PLXNA4: variants seen among roughly 807,000 people sequenced by gnomAD.
The protein encoded by PLXNA4 is plexin-A4.
PLXNA4 carries 44 observed loss-of-function variants against 191.8 expected under a neutral mutation model. The observed-to-expected ratio is 0.23, with a 90% CI of 0.18 to 0.29. PLXNA4 has a LOEUF of 0.29. Ranked by LOEUF, PLXNA4 falls within the 10% of genes least tolerant of loss-of-function variation. The pLI is 1.00. For synonymous variants in PLXNA4, 1,082 were observed against 1,009.5 expected, an observed-to-expected ratio of 1.07 and a Z score of -1.36; for missense variants, 1,800 against 2,488.8, an observed-to-expected ratio of 0.72 and a Z score of 5.89.
intron 9 of PLXNA4, among the ~76,000 whole-genome samples, chr7:132,219,940 G>A (rs1298720767): frequency 6.6e-6 from 1 of 152,196 alleles, no homozygotes; most frequent in Non-Finnish European, 1.5e-5. Flanking sequence ...TAGGTGTGCA[G>A]TAAGCTACAG....
intron 3 of PLXNA4, among the ~76,000 whole-genome samples, chr7:132,439,273 C>T (rs1478093660): frequency 2.6e-5 from 4 of 152,156 alleles, no homozygotes; most frequent in East Asian, 3.9e-4. Flanking sequence ...AGTCCCGCCC[C>T]GGCCAATGAA....
At chr7:132,244,805 T>A (rs980695823) in intron 4 of PLXNA4, among the ~76,000 whole-genome samples, 1 of 152,216 alleles carries the variant, frequency 6.6e-6, no homozygotes, top group African/African-American at 2.4e-5. Context: ...ATCAGAAGTT[T>A]TTCTAATACT....
intron 3 of PLXNA4, among the ~76,000 whole-genome samples, chr7:132,377,655 G>A (rs1707541914): frequency 6.6e-6 from 1 of 152,114 alleles, no homozygotes; most frequent in African/African-American, 2.4e-5. Flanking sequence ...TTGCTGCTTG[G>A]AGAGACCATT....
chr7:132,382,437 G>T (rs962994270), intron 3 of PLXNA4, among the ~76,000 whole-genome samples: 2 of 152,264 alleles, frequency 1.3e-5, no homozygotes, highest in Admixed American at 1.3e-4. Flanking sequence ...ATGGTAAAAT[G>T]AGGATGGCTG....
chr7:132,137,170 A>G (rs926640694), intron 30 of PLXNA4, among the ~76,000 whole-genome samples: 11 of 152,200 alleles, frequency 7.2e-5, no homozygotes, highest in Admixed American at 1.3e-4. Flanking sequence ...CATTTTATGT[A>G]TTTGACTGGA....
intron 2 of PLXNA4, among the ~76,000 whole-genome samples, chr7:132,643,207 G>A (rs552608214): frequency 6.6e-6 from 1 of 152,266 alleles, no homozygotes; most frequent in South Asian, 2.1e-4. Flanking sequence ...GCTCCTCCAT[G>A]TTCCTTCAGC....
intron 3 of PLXNA4, among the ~76,000 whole-genome samples, chr7:132,470,936 A>G (rs1796910384): frequency 6.6e-6 from 1 of 152,184 alleles, no homozygotes; most frequent in South Asian, 2.1e-4. Flanking sequence ...GACCTATAGA[A>G]CTGTGACATA....
At chr7:132,290,062 C>T (rs937657495) in intron 4 of PLXNA4, among the ~76,000 whole-genome samples, 8 of 152,330 alleles carry the variant, frequency 5.3e-5, no homozygotes, top group African/African-American at 1.4e-4. Flanking sequence ...GCCCCACAGG[C>T]GTCCGCATCC....
chr7:132,406,587 G>A (rs1275702406), intron 3 of PLXNA4, among the ~76,000 whole-genome samples: 2 of 152,054 alleles, frequency 1.3e-5, no homozygotes, highest in African/African-American at 4.8e-5. Flanking sequence ...CACTTACTTA[G>A]GCATATCTGA....
At chr7:132,627,886 A>C (rs1585414973) in intron 2 of PLXNA4, among the ~76,000 whole-genome samples, 1 of 152,228 alleles carries the variant, frequency 6.6e-6, no homozygotes, top group South Asian at 2.1e-4. Context: ...GTATTTTGTT[A>C]TAGCAACAAG....
intron 3 of PLXNA4, among the ~76,000 whole-genome samples, chr7:132,437,775 A>G (rs1795532484): frequency 6.6e-6 from 1 of 152,164 alleles, no homozygotes; most frequent in African/African-American, 2.4e-5. Context: ...TGACCACAGC[A>G]ACATGAGTAC....
At position 132,298,212 on chromosome 7, in the gene PLXNA4, T is replaced by C; in HGVS notation, c.1382A>G (p.Asp461Gly). The C allele has an allele frequency of 6.2e-7, 1 of 1,612,662 alleles. No homozygotes were observed. The change falls in exon 4 of 32, where the codon GAT (aspartate) becomes GGT (glycine). Residue 461 changes from aspartate (D) to glycine (G), a missense_variant. Around this residue, in one of 6 missense-constraint regions of PLXNA4, gnomAD observed 1,397 missense variants for 1,880.4 expected, o/e 0.74. Transcript: ENST00000321063. The stretch of plus-strand genomic sequence containing the variant: ...CTGGAGGGCGTTGCCCCTGGGTCCA[T>C]CCACCCGGATCTGTGGAGAAGAAGA... ...KSGKLKKIRV[D>G]GPRGNALQYE...
chr7:132,273,342 GCA>G (rs139465620), intron 4 of PLXNA4, among the ~76,000 whole-genome samples: 6 of 142,984 alleles, frequency 4.2e-5, no homozygotes, highest in East Asian at 2.0e-4. Flanking sequence ...ACACACACAC[GCA>G]CACACACACA....
chr7:132,198,650 G>A lies in PLXNA4; in HGVS notation c.2587-14C>T. ...CACCGGGATTATCTGGAGGGAGGAA[G>A]AGAAATAATTAGACAAACACCAAGA... On this transcript the variant is annotated splice_polypyrimidine_tract_variant and intron_variant, in intron 12 of 31. Transcript: ENST00000321063. 6.2e-7 allele frequency: 1 copy of A among 1,613,648 alleles called. No individual in the cohort carries two copies.
At chr7:132,628,985 C>T (rs1803439365) in intron 2 of PLXNA4, among the ~76,000 whole-genome samples, 1 of 152,158 alleles carries the variant, frequency 6.6e-6, no homozygotes, top group African/African-American at 2.4e-5. Context: ...TATTTATATT[C>T]AAGAGTGAGG....
intron 3 of PLXNA4, among the ~76,000 whole-genome samples, chr7:132,480,953 G>A (rs1377625662): frequency 2.0e-5 from 3 of 152,206 alleles, no homozygotes; most frequent in African/African-American, 7.2e-5. Context: ...AGCCAGCTGA[G>A]GCTGAATGGC....
intron 29 of PLXNA4, among the ~76,000 whole-genome samples, chr7:132,143,861 G>T (rs1160093514): frequency 6.6e-6 from 1 of 152,240 alleles, no homozygotes; most frequent in Non-Finnish European, 1.5e-5. Context: ...CTCACTAGGA[G>T]TTAATATGGG....
intron 3 of PLXNA4, among the ~76,000 whole-genome samples, chr7:132,470,276 C>T (rs1796885023): frequency 1.3e-5 from 2 of 152,138 alleles, no homozygotes; most frequent in African/African-American, 4.8e-5. Context: ...GGGGGCCTGT[C>T]CTCACCCCAT....
intron 3 of PLXNA4, chr7:132,384,432 A>G (rs1036758242): frequency 3.0e-6 from 3 of 985,470 alleles, no homozygotes; most frequent in Non-Finnish European, 3.6e-6. Context: ...CACCGGCTCT[A>G]TGGGGGAATT....
Sources: allele counts gnomAD v4.1 joint callset (sites outside exome capture counted in the v4.1 genomes callset), GRCh38; gene constraint gnomAD v4.1.1; regional missense constraint gnomAD v4.1.1; transcripts MANE v1.5; gene names NCBI Gene and HGNC (gene_info 2026-07-23, HGNC 2026-07-21).